The following DIAPH3 variants were observed in gnomAD, a reference collection of about 807,000 sequenced individuals.
DIAPH3 encodes the protein diaphanous related formin 3.
DIAPH3 carries 117 observed loss-of-function variants against 144.3 expected under a neutral mutation model. The ratio of observed to expected loss-of-function variants is 0.81; its 90% CI spans 0.70 to 0.95. The LOEUF is 0.95. DIAPH3 is among the 40% of genes least tolerant of loss of function. The probability of loss-of-function intolerance (pLI) is 0.00; values close to 1 mark genes in which losing one functional copy is unlikely to be tolerated. For synonymous variants in DIAPH3, 519 were observed against 488.9 expected (o/e 1.06, Z -0.81); for missense variants, 1,421 against 1,412.7 (o/e 1.01, Z -0.09).
Position 59,992,501 on chromosome 13 carries a change from A to C in DIAPH3, c.1097T>G (p.Met366Arg). ...DFRLHIRNEF[M>R]RCGLKEILPN... is the part of the protein sequence containing the mutation. ...CAATATCTCTTTCAATCCACAACGC[A>C]TAAATTCATTTCTGATGTGAAGCCT... is the stretch of plus-strand genomic sequence containing the variant. Residue 366 changes from methionine to arginine, a missense_variant, in exon 10 of 28, where the codon ATG becomes AGG. By Grantham distance (91) the Met-to-Arg change is moderately conservative (BLOSUM62 -1). Coordinates refer to ENST00000400324, the MANE Select transcript of DIAPH3 (RefSeq NM_001042517.2). The C allele has an allele frequency of 6.2e-7, 1 of 1,612,144 alleles. No homozygotes were observed. Among genetic ancestry groups the C allele is most frequent in the Non-Finnish European group, 8.5e-7 (1 of 1,179,082 alleles).
chr13:60,045,393 T>C (rs982614226), intron 4 of DIAPH3, among the ~76,000 whole-genome samples: 6 of 152,126 alleles, frequency 3.9e-5, no homozygotes, highest in Admixed American at 1.3e-4. Context: ...AGGTACATCT[T>C]ATTAGCAGCG....
At chr13:60,089,026 T>C (rs913330572) in intron 4 of DIAPH3, among the ~76,000 whole-genome samples, 3 of 152,248 alleles carry the variant, frequency 2.0e-5, no homozygotes, top group Admixed American at 6.5e-5. Context: ...ACACATACTT[T>C]AATTGTATAT....
intron 12 of DIAPH3, among the ~76,000 whole-genome samples, chr13:59,988,417 AGCTATT>A (rs1267770675): frequency 1.3e-5 from 2 of 152,020 alleles, no homozygotes; most frequent in East Asian, 3.9e-4. Context: ...TAACAACACA[AGCTATT>A]TCATGTCATC....
At chr13:59,741,474 G>T (rs891063173) in intron 27 of DIAPH3, among the ~76,000 whole-genome samples, 1 of 151,980 alleles carries the variant, frequency 6.6e-6, no homozygotes, top group African/African-American at 2.4e-5. Flanking sequence ...AGAAAGTGGG[G>T]GGCCAGGCGC....
chr13:59,969,521 C>T (rs1016825381), intron 17 of DIAPH3, among the ~76,000 whole-genome samples: 12 of 152,110 alleles, frequency 7.9e-5, no homozygotes, highest in Non-Finnish European at 1.3e-4. Context: ...TCTCCTAATG[C>T]TATATGCTAT....
rs1273345252 is a variant in DIAPH3 at position 59,985,669 on chromosome 13, T to C, written c.1362-1782A>G. 4.8e-5 allele frequency among the ~76,000 whole-genome samples: 3 copies of C among 62,230 alleles called. No individual in the cohort carries two copies. The East Asian group carries it at 8.4e-4, about 17-fold the overall frequency. 40.8% of individuals were successfully genotyped at this position (62,230 alleles called of 152,430 possible). A position where few individuals can be genotyped will look rare whatever the true frequency, so the allele number is the denominator to read the frequency against. On this transcript the variant is annotated intron_variant, in intron 12 of 27. Transcript: ENST00000400324. ...TGTACAAAAATCACAAGCATTCTTATACACCAGCAACAGACAAACAGAGAG... is the reference window on the plus strand; with the variant it reads ...TGTACAAAAATCACAAGCATTCTTACACACCAGCAACAGACAAACAGAGAG...
intron 25 of DIAPH3, among the ~76,000 whole-genome samples, chr13:59,794,589 G>A (rs2039492413): frequency 6.6e-6 from 1 of 152,078 alleles, no homozygotes; most frequent in South Asian, 2.1e-4. Context: ...AGTGGTGCAA[G>A]ATTTTTTTCT....
At chr13:59,728,161 G>A (rs1038193865) in intron 27 of DIAPH3, among the ~76,000 whole-genome samples, 4 of 151,620 alleles carry the variant, frequency 2.6e-5, no homozygotes, top group African/African-American at 9.7e-5. Context: ...TTTCTTGTTT[G>A]TTGCTTCATG....
chr13:60,162,327 G>C (rs1300227253), intron 1 of DIAPH3, among the ~76,000 whole-genome samples: 1 of 152,120 alleles, frequency 6.6e-6, no homozygotes, highest in African/African-American at 2.4e-5. Context: ...CTGGACCACA[G>C]AAGTTAAAAC....
chr13:59,918,297 C>T (rs909337484), intron 18 of DIAPH3, among the ~76,000 whole-genome samples: 1 of 148,674 alleles, frequency 6.7e-6, no homozygotes, highest in East Asian at 2.0e-4. Flanking sequence ...TTGTCGCTAA[C>T]AACAAATCTA....
At chr13:59,671,091 G>C (rs2032349200) in intron 27 of DIAPH3, among the ~76,000 whole-genome samples, 1 of 152,188 alleles carries the variant, frequency 6.6e-6, no homozygotes, top group African/African-American at 2.4e-5. Flanking sequence ...TGTTATTGGT[G>C]GCTTTGTGTG....
At chr13:59,919,309 G>A (rs2047399043) in intron 18 of DIAPH3, among the ~76,000 whole-genome samples, 1 of 151,996 alleles carries the variant, frequency 6.6e-6, no homozygotes, top group African/African-American at 2.4e-5. Context: ...ATCCAGATAC[G>A]GGAAGGTAAA....
chr13:59,802,667 A>ATTATTATTATTTTTT (rs1433627853), intron 25 of DIAPH3, among the ~76,000 whole-genome samples: 3 of 23,766 alleles, frequency 1.3e-4, no homozygotes, highest in African/African-American at 1.5e-4. Context: ...TATTATTATT[A>ATTATTATTATTTTTT]TTTTTTTTTT....
At chr13:60,075,833 T>C (rs1306310478) in intron 4 of DIAPH3, among the ~76,000 whole-genome samples, 2 of 152,226 alleles carry the variant, frequency 1.3e-5, no homozygotes, top group East Asian at 3.8e-4. Flanking sequence ...ATCACTGTTA[T>C]ACTCTGGTGC....
chr13:59,987,340 G>C (rs2051468413), intron 12 of DIAPH3, among the ~76,000 whole-genome samples: 1 of 151,332 alleles, frequency 6.6e-6, no homozygotes, highest in South Asian at 2.1e-4. Context: ...TGGGGGGAGT[G>C]GGGAGGGATA....
At chr13:59,966,390 C>A (rs1003176743) in intron 17 of DIAPH3, among the ~76,000 whole-genome samples, 1 of 151,898 alleles carries the variant, frequency 6.6e-6, no homozygotes, top group Admixed American at 6.6e-5. Context: ...CACAAGAAGC[C>A]AGAATTGTTT....
intron 27 of DIAPH3, among the ~76,000 whole-genome samples, chr13:59,751,023 C>T (rs944228375): frequency 6.6e-6 from 1 of 152,240 alleles, no homozygotes; most frequent in African/African-American, 2.4e-5. Context: ...AGCAGAGCAG[C>T]CGGTTGCCTT....
chr13:60,097,133 C>A (rs1377088022), intron 3 of DIAPH3, among the ~76,000 whole-genome samples: 1 of 152,132 alleles, frequency 6.6e-6, no homozygotes. Context: ...ATATGGCACT[C>A]GCCTTCCTGA....
chr13:60,151,031 G>A (rs1210940746), intron 1 of DIAPH3, among the ~76,000 whole-genome samples: 1 of 151,284 alleles, frequency 6.6e-6, no homozygotes, highest in African/African-American at 2.4e-5. Context: ...AACCTCTGGT[G>A]TGTGTCCCAC....
Sources: allele counts gnomAD v4.1 joint callset (sites outside exome capture counted in the v4.1 genomes callset), GRCh38; gene constraint gnomAD v4.1.1; transcripts MANE v1.5; gene names NCBI Gene and HGNC (gene_info 2026-07-23, HGNC 2026-07-21).